PALLD: variants seen among roughly 807,000 people sequenced by gnomAD.
PALLD encodes palladin.
A neutral mutation model predicts 123.5 loss-of-function variants in PALLD; 61 were observed. That is an observed-to-expected ratio of 0.49 (90% CI 0.40 to 0.61). The LOEUF is 0.61. PALLD is among the 20% of genes least tolerant of loss of function. The pLI is 0.00. For synonymous variants in PALLD, 465 were observed against 496.4 expected, an observed-to-expected ratio of 0.94 and a Z score of 0.84; for missense variants, 1,273 against 1,377.0, an observed-to-expected ratio of 0.92 and a Z score of 1.20.
chr4:168,743,078 A>G (rs1386895910), intron 10 of PALLD, among the ~76,000 whole-genome samples: 2 of 152,164 alleles, frequency 1.3e-5, no homozygotes, highest in Non-Finnish European at 2.9e-5. Flanking sequence ...TGTCCTCCCC[A>G]GCAGTAGAAA....
intron 2 of PALLD, among the ~76,000 whole-genome samples, chr4:168,573,466 C>G (rs1650171790): frequency 6.6e-6 from 1 of 152,022 alleles, no homozygotes; most frequent in African/African-American, 2.4e-5. Flanking sequence ...TCCAAAACAC[C>G]TTGACATATG....
At chr4:168,695,624 T>C (rs1783062038) in intron 8 of PALLD, among the ~76,000 whole-genome samples, 2 of 152,130 alleles carry the variant, frequency 1.3e-5, no homozygotes, top group Non-Finnish European at 2.9e-5. Flanking sequence ...CTCATGAAAA[T>C]CCATGTAAAA....
Position 168,511,609 on chromosome 4 carries a change from C to T in PALLD, c.105C>T (p.Ser35=), listed in dbSNP as rs1180103507. 3.7e-6 allele frequency: 6 copies of T among 1,613,946 alleles called. No individual in the cohort carries two copies. In the African/African-American group the frequency reaches 5.3e-5, roughly 14 times the overall value. The change falls in exon 2 of 22, where the codon AGC becomes AGT. Residue 35 remains serine (S), a synonymous_variant. Transcript: ENST00000505667. ...TCCCGGGCCTTTCTGCTTTCCTCAG[C>T]CAGGAAGAGATAAACAAGAGTCTTG... The part of the protein sequence containing the change: ...DFFPGLSAFL[S]QEEINKSLDL...
At chr4:168,542,641 C>T (rs1765729337) in intron 2 of PALLD, among the ~76,000 whole-genome samples, 1 of 124,840 alleles carries the variant, frequency 8.0e-6, no homozygotes, top group Non-Finnish European at 1.6e-5. Flanking sequence ...GTAAGGCTCC[C>T]TATATATTTA....
chr4:168,551,484 T>C (rs749263558), intron 2 of PALLD, among the ~76,000 whole-genome samples: 1 of 152,176 alleles, frequency 6.6e-6, no homozygotes, highest in Admixed American at 6.6e-5. Context: ...GGTGCATTAG[T>C]TATTAAAGGA....
At chr4:168,619,973 G>T (rs1774597326) in intron 2 of PALLD, among the ~76,000 whole-genome samples, 1 of 152,120 alleles carries the variant, frequency 6.6e-6, no homozygotes, top group Non-Finnish European at 1.5e-5. Flanking sequence ...GTGCAAATTG[G>T]TCCACACATT....
intron 10 of PALLD, among the ~76,000 whole-genome samples, chr4:168,794,422 C>A (rs756112185): frequency 6.7e-6 from 1 of 150,302 alleles, no homozygotes; most frequent in Non-Finnish European, 1.5e-5. Flanking sequence ...CATGCGCACA[C>A]GCATGCGCGC....
At chr4:168,534,014 T>C (rs1426574876) in intron 2 of PALLD, among the ~76,000 whole-genome samples, 3 of 152,188 alleles carry the variant, frequency 2.0e-5, no homozygotes, top group East Asian at 1.9e-4. Flanking sequence ...GTATAATATA[T>C]TATGGTTCAT....
chr4:168,723,069 C>T (rs1157766127), intron 10 of PALLD, among the ~76,000 whole-genome samples: 1 of 152,036 alleles, frequency 6.6e-6, no homozygotes, highest in African/African-American at 2.4e-5. Context: ...TGCATCTGTT[C>T]GAGTGGATAG....
intron 10 of PALLD, among the ~76,000 whole-genome samples, chr4:168,782,751 A>T (rs1736099761): frequency 6.6e-6 from 1 of 151,692 alleles, no homozygotes; most frequent in Non-Finnish European, 1.5e-5. Context: ...TTTACTAAAA[A>T]AAAAAATAAA....
At chr4:168,506,860 C>A (rs926567243) in intron 1 of PALLD, among the ~76,000 whole-genome samples, 3 of 152,196 alleles carry the variant, frequency 2.0e-5, no homozygotes, top group Non-Finnish European at 2.9e-5. Flanking sequence ...TTGCTAAAAT[C>A]AAAAATCAAA....
In PALLD at chr4:168,758,215, T is replaced by C. The variant is rs534983484; in HGVS notation, c.1964+46292T>C. ...CCTTCCTGCTATTTTTTTTTTAATG[T>C]TTAAAACTCATCTTTTCAAGCTCAA... On this transcript the variant is annotated intron_variant, in intron 10 of 21. Transcript: ENST00000505667. Among the ~76,000 whole-genome samples, 23 of 152,294 alleles carry C rather than the reference T, an allele frequency of 1.5e-4. No individual in the cohort carries two copies. In the South Asian group the frequency reaches 4.8e-3, roughly 32 times the overall value.
At chr4:168,829,256 A>G (rs1743857422) in intron 10 of PALLD, 2 of 151,172 alleles carry the variant, frequency 1.3e-5, no homozygotes, top group Admixed American at 6.6e-5. Context: ...ACGTGTACGC[A>G]TCTTTCCGGG....
intron 10 of PALLD, among the ~76,000 whole-genome samples, chr4:168,873,418 G>A (rs1751338653): frequency 6.6e-6 from 1 of 152,160 alleles, no homozygotes; most frequent in Non-Finnish European, 1.5e-5. Flanking sequence ...GATCACAAAT[G>A]TTTTTCAGCT....
intron 10 of PALLD, among the ~76,000 whole-genome samples, chr4:168,890,355 G>A (rs547510208): frequency 1.3e-5 from 2 of 152,218 alleles, no homozygotes; most frequent in Admixed American, 1.3e-4. Context: ...AATAACATTG[G>A]CCTACCCTAA....
chr4:168,678,447 CAAG>C (rs1343006347), intron 3 of PALLD, among the ~76,000 whole-genome samples: 1 of 152,120 alleles, frequency 6.6e-6, no homozygotes, highest in Non-Finnish European at 1.5e-5. Context: ...GTGCTGTAAA[CAAG>C]AACGCTGGGA....
At chr4:168,866,014 T>A (rs548777204) in intron 10 of PALLD, among the ~76,000 whole-genome samples, 1 of 151,968 alleles carries the variant, frequency 6.6e-6, no homozygotes, top group South Asian at 2.1e-4. Flanking sequence ...GTGTGGTGGC[T>A]CACACCTGTA....
At chr4:168,876,691 C>A (rs975032478) in intron 10 of PALLD, among the ~76,000 whole-genome samples, 2 of 152,164 alleles carry the variant, frequency 1.3e-5, no homozygotes, top group African/African-American at 2.4e-5. Flanking sequence ...ATTGCTGAGT[C>A]TCTGAAGGCT....
chr4:168,604,132 A>G (rs1431234506), intron 2 of PALLD, among the ~76,000 whole-genome samples: 1 of 152,232 alleles, frequency 6.6e-6, no homozygotes, highest in Non-Finnish European at 1.5e-5. Context: ...AAGAAGGGAA[A>G]GAAAATAAAC....
Sources: allele counts gnomAD v4.1 joint callset (sites outside exome capture counted in the v4.1 genomes callset), GRCh38; gene constraint gnomAD v4.1.1; transcripts MANE v1.5; gene names NCBI Gene and HGNC (gene_info 2026-07-23, HGNC 2026-07-21).